The following CCDC178 variants were observed in gnomAD, a reference collection of about 807,000 sequenced individuals.
CCDC178 encodes coiled-coil domain-containing protein 178.
CCDC178 carries 126 observed loss-of-function variants against 117.4 expected under a neutral mutation model. The ratio of observed to expected loss-of-function variants is 1.07; its 90% CI spans 0.93 to 1.24. The LOEUF (loss-of-function observed/expected upper bound fraction) is 1.24, where lower values mean the gene tolerates loss of function less well. Among genes scored for constraint, CCDC178 ranks in the 50% most tolerant of loss-of-function variants. CCDC178 has a pLI of 0.00. For missense variants in CCDC178, 1,030 were observed against 986.9 expected, an observed-to-expected ratio of 1.04 and a Z score of -0.59; for synonymous variants, 283 against 313.4, an observed-to-expected ratio of 0.90 and a Z score of 1.02.
chr18:33,211,759 G>T (rs1568059217), intron 20 of CCDC178, 137 bp downstream of exon 20: 1 of 635,872 alleles, frequency 1.6e-6, no homozygotes, highest in Non-Finnish European at 2.6e-6. Context: ...AAAACTTCCA[G>T]GTTTATTATG....
chr18:33,158,041 C>A (rs1305823047), intron 20 of CCDC178, among the ~76,000 whole-genome samples: 3 of 152,086 alleles, frequency 2.0e-5, no homozygotes, highest in African/African-American at 4.8e-5. Context: ...TTTGGAGAAG[C>A]TTTTGTAAAC....
intron 15 of CCDC178, among the ~76,000 whole-genome samples, chr18:33,243,324 C>T (rs7230712): frequency 0.84 from 127,546 of 151,736 alleles, 54,199 homozygotes; most frequent in South Asian, 0.93. Context: ...AATAAGTTCT[C>T]GTGTTCCATA....
chr18:33,041,951 A>C (rs992552480), intron 21 of CCDC178, among the ~76,000 whole-genome samples: 2 of 151,952 alleles, frequency 1.3e-5, no homozygotes, highest in Non-Finnish European at 2.9e-5. Context: ...TCATTTGAGG[A>C]GGAAGAATGT....
intron 21 of CCDC178, among the ~76,000 whole-genome samples, chr18:33,049,953 C>T (rs766447214): frequency 4.6e-5 from 7 of 151,878 alleles, no homozygotes; most frequent in East Asian, 1.9e-4. Flanking sequence ...GTGGTTCAGG[C>T]GCCTGTAATC....
At chr18:33,052,507 A>G (rs1413913557) in intron 21 of CCDC178, among the ~76,000 whole-genome samples, 2 of 152,198 alleles carry the variant, frequency 1.3e-5, no homozygotes, top group Non-Finnish European at 2.9e-5. Context: ...TACACTTTGT[A>G]TGGATTTGTA....
chr18:33,213,297 AC>A (rs560591869), intron 19 of CCDC178, among the ~76,000 whole-genome samples: 166 of 152,076 alleles, frequency 1.1e-3, no homozygotes, highest in African/African-American at 3.9e-3. Context: ...AAATTTGAAA[AC>A]ATATCACTTT....
chr18:33,348,127 A>G (rs1299255840), intron 8 of CCDC178, among the ~76,000 whole-genome samples: 1 of 152,008 alleles, frequency 6.6e-6, no homozygotes, highest in Non-Finnish European at 1.5e-5. Flanking sequence ...CGTTTTCACT[A>G]TAGGCACAAA....
chr18:33,019,042 T>G (rs2056058212), intron 21 of CCDC178, among the ~76,000 whole-genome samples: 1 of 152,134 alleles, frequency 6.6e-6, no homozygotes, highest in South Asian at 2.1e-4. Flanking sequence ...CCTTAGGGAA[T>G]TGTTAGGATA....
At chr18:32,985,778 C>G (rs1598756274) in intron 21 of CCDC178, among the ~76,000 whole-genome samples, 1 of 151,986 alleles carries the variant, frequency 6.6e-6, no homozygotes, top group Admixed American at 6.6e-5. Context: ...CTACCACACT[C>G]TGGAAATTTA....
At chr18:33,067,618 G>T (rs1264094110) in intron 21 of CCDC178, among the ~76,000 whole-genome samples, 1 of 152,210 alleles carries the variant, frequency 6.6e-6, no homozygotes, top group Non-Finnish European at 1.5e-5. Context: ...GCTGAAGCGG[G>T]TGGATGACCT....
At chr18:33,352,757 C>T (rs1368051881) in intron 7 of CCDC178, among the ~76,000 whole-genome samples, 1 of 151,998 alleles carries the variant, frequency 6.6e-6, no homozygotes. Context: ...CAGTTTCATT[C>T]TATTGGGTCA....
At chr18:33,103,700 C>T (rs1287225904) in intron 20 of CCDC178, among the ~76,000 whole-genome samples, 6 of 151,602 alleles carry the variant, frequency 4.0e-5, no homozygotes, top group Admixed American at 6.6e-5. Flanking sequence ...AATGTGTCTA[C>T]CCCACGCCTT....
At chr18:33,169,105 C>T (rs2058567426) in intron 20 of CCDC178, among the ~76,000 whole-genome samples, 1 of 152,120 alleles carries the variant, frequency 6.6e-6, no homozygotes, top group Non-Finnish European at 1.5e-5. Flanking sequence ...CATTTGGCCA[C>T]ATATCTAAAA....
intron 21 of CCDC178, among the ~76,000 whole-genome samples, chr18:33,049,908 C>A (rs2056715245): frequency 6.6e-6 from 1 of 150,994 alleles, no homozygotes; most frequent in Non-Finnish European, 1.5e-5. Flanking sequence ...ATGGTGAAAC[C>A]CTGTCTCTAC....
At chr18:33,150,796 A>G (rs2058332061) in intron 20 of CCDC178, among the ~76,000 whole-genome samples, 1 of 152,230 alleles carries the variant, frequency 6.6e-6, no homozygotes, top group Non-Finnish European at 1.5e-5. Flanking sequence ...CCAAAGAAAA[A>G]GAAGACATAT....
chr18:33,222,749 C>A (rs1026320305), intron 18 of CCDC178, among the ~76,000 whole-genome samples: 4 of 151,718 alleles, frequency 2.6e-5, no homozygotes, highest in Admixed American at 6.6e-5. Context: ...CTTTTTATTT[C>A]TTTTCTTCTT....
At chr18:33,014,375 G>A (rs1231893974) in intron 21 of CCDC178, among the ~76,000 whole-genome samples, 1 of 152,186 alleles carries the variant, frequency 6.6e-6, no homozygotes, top group Non-Finnish European at 1.5e-5. Context: ...ACAGTTTCCT[G>A]AAGAAGTGAC....
At chr18:33,028,765 T>C (rs1048627277) in intron 21 of CCDC178, among the ~76,000 whole-genome samples, 1 of 151,854 alleles carries the variant, frequency 6.6e-6, no homozygotes, top group African/African-American at 2.4e-5. Context: ...GCCATATTTA[T>C]GTCTATTAAG....
intron 18 of CCDC178, among the ~76,000 whole-genome samples, chr18:33,215,906 G>A (rs2059160231): frequency 6.6e-6 from 1 of 151,886 alleles, no homozygotes; most frequent in African/African-American, 2.4e-5. Context: ...GACCAACCTG[G>A]ACAACAAAGC....
Sources: gnomAD v4.1 joint callset for allele counts (sites outside exome capture counted in the v4.1 genomes callset) on GRCh38, gnomAD v4.1.1 for gene constraint, MANE v1.5 for transcripts, NCBI Gene and HGNC (gene_info 2026-07-23, HGNC 2026-07-21) for gene names.